PSG1: variants seen among roughly 807,000 people sequenced by gnomAD.
PSG1 encodes the protein pregnancy-specific beta-1-glycoprotein 1.
Under a neutral mutation model 41.4 loss-of-function variants are expected in PSG1, and 60 were observed. The observed-to-expected ratio is 1.45, with a 90% confidence interval of 1.18 to 1.80. PSG1 has a LOEUF of 1.80. Ranked by LOEUF, PSG1 falls within the 40% of genes most tolerant of loss-of-function variation. The pLI is 0.00. For synonymous variants in PSG1, 256 were observed against 192.9 expected, an observed-to-expected ratio of 1.33 and a Z score of -2.71; for missense variants, 806 against 516.9, an observed-to-expected ratio of 1.56 and a Z score of -5.42.
At position 42,868,248 on chromosome 19, in the gene PSG1, A is replaced by T. The variant is rs1971220559; in HGVS notation, c.1096T>A (p.Trp366Arg). ...AGCTGAAACTTTTCATTAATTGTCC[A>T]AGAATACTGTGCCGGTGGGTTAGAG... ...ADSNPPAQYSWTINEKFQLPG... is the reference protein window; with the variant it reads ...ADSNPPAQYSRTINEKFQLPG... Residue 366 changes from tryptophan to arginine, a missense_variant, in exon 5 of 6, where the codon TGG becomes AGG. Trp to Arg is a moderately radical substitution (Grantham distance 101). Transcript: ENST00000436291. 1.2e-6 allele frequency: 2 copies of T among 1,612,354 alleles called. No individual in the cohort carries two copies. The highest frequency in any genetic ancestry group is 2.7e-5 in the African/African-American group (2 of 74,752).
intron 2 of PSG1, 105 bp downstream of exon 2, chr19:42,877,808 A>C: frequency 1.3e-6 from 2 of 1,594,506 alleles, no homozygotes; most frequent in Middle Eastern, 1.7e-4. Flanking sequence ...ATGGGACATA[A>C]CGCAGTGAGT....
chr19:42,867,233 A>G (rs1363224157), intron 5 of PSG1, 83 bp from the exon 6 acceptor site: 10 of 757,434 alleles, frequency 1.3e-5, no homozygotes, highest in Admixed American at 1.2e-4. Flanking sequence ...TATTTTCCAC[A>G]TAATTTTTCC....
At chr19:42,875,256 C>T (rs1299025650) in intron 2 of PSG1, among the ~76,000 whole-genome samples, 1 of 151,672 alleles carries the variant, frequency 6.6e-6, no homozygotes, top group Non-Finnish European at 1.5e-5. Context: ...GATAATAGTT[C>T]CTCCATAAAA....
chr19:42,867,933 A>G, intron 5 of PSG1, 168 bp downstream of exon 5: 2 of 1,547,540 alleles, frequency 1.3e-6, no homozygotes, highest in Non-Finnish European at 1.7e-6. Flanking sequence ...TGTTTGTTAA[A>G]GTTTTCGAAG....
rs1325279721 is a variant in PSG1 at position 42,872,482 on chromosome 19, A to T, written c.431-437T>A. Among the ~76,000 whole-genome samples, 2 of 151,630 alleles carry T rather than the reference A, an allele frequency of 1.3e-5. 1 individual carries two copies. Among genetic ancestry groups the T allele is most frequent in the African/African-American group, 4.8e-5 (2 of 41,276 alleles). On this transcript the variant is annotated intron_variant, in intron 2 of 5. Transcript: ENST00000436291. The stretch of plus-strand genomic sequence containing the variant: ...TTCCCTTGCCAAGGACATCCTAGAG[A>T]TGGATGATGGAACTTCCCATTGTCC...
chr19:42,878,120 G>C lies in PSG1; in HGVS notation c.223C>G (p.Leu75Val). ...ACATATGATGTAATGTAATGGTAGA[G>C]GTCCCTCATTTGCCCTTTGTACCAG... The part of the protein sequence containing the change: ...YIWYKGQMRD[L>V]YHYITSYVVD... Residue 75 changes from leucine to valine, a missense_variant, in exon 2 of 6, where the codon CTC becomes GTC. Transcript: ENST00000436291. The C allele has an allele frequency of 1.2e-6, 2 of 1,612,238 alleles. No homozygotes were observed. The highest frequency in any genetic ancestry group is 1.7e-6 in the Non-Finnish European group (2 of 1,179,140).
rs139978021 is a variant in PSG1 at position 42,871,245 on chromosome 19, G to T, written c.709+522C>A. 2.8e-4 allele frequency among the ~76,000 whole-genome samples: 43 copies of T among 151,768 alleles called. 1 individual carries two copies. Among genetic ancestry groups the T allele is most frequent in the East Asian group, 1.2e-3 (6 of 5,144 alleles). Reference sequence around the variant, plus strand: ...TTGTGTTGATTGCTGGAACTTCCCAGCAATCAGCCAAGAATGCTCTGCCAG... The same window carrying T: ...TTGTGTTGATTGCTGGAACTTCCCATCAATCAGCCAAGAATGCTCTGCCAG... On this transcript the variant is annotated intron_variant, in intron 3 of 5. Coordinates refer to ENST00000436291, the MANE Select transcript of PSG1 (RefSeq NM_001184825.2).
rs1160992259 is a variant in PSG1 at position 42,879,672 on chromosome 19, T to G, written c.-91A>C. ...CGGCTGTCAGCTGTGCTGTCCTTCC[T>G]CTTTCTGTGCTGAGCCTCTTCCCAG... On this transcript the variant is annotated 5_prime_UTR_variant, in exon 1 of 6. Coordinates refer to ENST00000436291, the MANE Select transcript of PSG1 (RefSeq NM_001184825.2). The G allele has an allele frequency of 3.9e-6, 6 of 1,552,470 alleles. No individual in the cohort carries two copies. Among genetic ancestry groups the G allele is most frequent in the Middle Eastern group, 1.7e-4 (1 of 5,776 alleles).
chr19:42,876,538 T>C (rs1971615453), intron 2 of PSG1, among the ~76,000 whole-genome samples: 1 of 151,404 alleles, frequency 6.6e-6, no homozygotes. Flanking sequence ...TTCCTTCATT[T>C]GTCATGTGAG....
At chr19:42,873,713 C>G (rs990824483) in intron 2 of PSG1, among the ~76,000 whole-genome samples, 1 of 151,518 alleles carries the variant, frequency 6.6e-6, no homozygotes, top group African/African-American at 2.4e-5. Context: ...ATTGAAAGGA[C>G]CGAACTGGTC....
rs560037060 is a variant in PSG1 at position 42,868,955 on chromosome 19, T to C, written c.789A>G (p.Glu263=). The change falls in exon 4 of 6, where the codon GAA becomes GAG. Residue 263 remains glutamate (E), a synonymous_variant. Transcript: ENST00000436291. ...ENKDVLNFTC[E]PKSENYTYIW... ...TGTAGGTGTAGTTCTCACTCTTAGG[T>C]TCACAGGTGAAGTTTAAGACATCCT... 7 of 1,610,040 alleles carry C rather than the reference T, an allele frequency of 4.3e-6. No individual in the cohort carries two copies. Among genetic ancestry groups the C allele is most frequent in the Middle Eastern group, 2.2e-4 (1 of 4,580 alleles).
In PSG1 at chr19:42,867,687, G is replaced by A. The variant is rs760123335; in HGVS notation, c.1243+414C>T. ...CAATTCTGGGGCAGTCAGGTAGAAA[G>A]CAAAAGTAAATGTTTCAATTACGGT... On this transcript the variant is annotated intron_variant, in intron 5 of 5. Transcript: ENST00000436291. The A allele has an allele frequency of 7.1e-5, 56 of 791,280 alleles. 3 individuals carry two copies. The South Asian group carries it at 7.2e-4, about 10-fold the overall frequency. The allele number at this position is 791,280 out of a possible 1,614,324, so 49.0% of individuals were successfully genotyped here.
rs558579579 is a variant in PSG1 at position 42,867,646 on chromosome 19, C to T, written c.1243+455G>A. The T allele has an allele frequency of 2.8e-4, 209 of 745,452 alleles. 13 individuals carry two copies. In the South Asian group the frequency reaches 3.1e-3, roughly 11 times the overall value. 46.2% of individuals were successfully genotyped at this position (745,452 alleles called of 1,614,324 possible). On this transcript the variant is annotated intron_variant, in intron 5 of 5. Coordinates refer to ENST00000436291, the MANE Select transcript of PSG1 (RefSeq NM_001184825.2). ...GTGTATTACCATAAACATATCAATT[C>T]TCATGAATAGTTGCCCAATTCTGGG...
intron 1 of PSG1, among the ~76,000 whole-genome samples, chr19:42,878,588 A>G (rs6509043): frequency 7.6e-6 from 1 of 131,696 alleles, no homozygotes; most frequent in African/African-American, 3.1e-5. Context: ...CCCCTCCACA[A>G]TGCCCTCAGG....
At position 42,878,888 on chromosome 19, in the gene PSG1, C is replaced by T. The variant is rs562908658; in HGVS notation, c.65-610G>A. Among the ~76,000 whole-genome samples the T allele has an allele frequency of 8.5e-4, 129 of 151,394 alleles. 2 individuals are homozygous for T. The highest frequency in any genetic ancestry group is 3.0e-3 in the African/African-American group (122 of 41,254). Reference sequence around the variant, plus strand: ...CCTCCATGCCCTGGGTGTTTTTTTTCCCCCAATTGTTGAGGTTTCTTGCTG... The same window carrying T: ...CCTCCATGCCCTGGGTGTTTTTTTTTCCCCAATTGTTGAGGTTTCTTGCTG... On this transcript the variant is annotated intron_variant, in intron 1 of 5. Coordinates refer to ENST00000436291, the MANE Select transcript of PSG1 (RefSeq NM_001184825.2).
At chr19:42,873,473 A>G (rs1027743202) in intron 2 of PSG1, among the ~76,000 whole-genome samples, 1 of 151,742 alleles carries the variant, frequency 6.6e-6, no homozygotes, top group African/African-American at 2.4e-5. Context: ...CTCATGTTAT[A>G]TTCTGACTCT....
chr19:42,871,328 TA>T (rs1397880640), intron 3 of PSG1, among the ~76,000 whole-genome samples: 1 of 151,406 alleles, frequency 6.6e-6, no homozygotes, highest in African/African-American at 2.4e-5. Context: ...GTAATAGGTG[TA>T]TGAGGAAGAA....
Position 42,879,641 on chromosome 19 carries a change from T to A in PSG1, c.-60A>T, listed in dbSNP as rs984534491. The A allele has an allele frequency of 1.3e-6, 2 of 1,594,762 alleles. No individual in the cohort carries two copies. Among genetic ancestry groups the A allele is most frequent in the East Asian group, 4.5e-5 (2 of 44,208 alleles). ...ATAAGCCTAGGATCCAGAAACTCTC[T>A]GAGCACGGCTGTCAGCTGTGCTGTC... On this transcript the variant is annotated 5_prime_UTR_variant, in exon 1 of 6. Coordinates refer to ENST00000436291, the MANE Select transcript of PSG1 (RefSeq NM_001184825.2).
intron 3 of PSG1, among the ~76,000 whole-genome samples, chr19:42,871,293 A>T (rs1600497189): frequency 6.6e-6 from 1 of 151,678 alleles, no homozygotes. Flanking sequence ...GTGAGGCAGG[A>T]GAGCTTGGGG....
Sources: allele counts gnomAD v4.1 joint callset (sites outside exome capture counted in the v4.1 genomes callset), GRCh38; gene constraint gnomAD v4.1.1; transcripts MANE v1.5; gene names NCBI Gene and HGNC (gene_info 2026-07-23, HGNC 2026-07-21).